The following MORC3 variants were observed in gnomAD, a reference collection of about 807,000 sequenced individuals.
MORC3 encodes the protein MORC family CW-type zinc finger protein 3.
A neutral mutation model predicts 109.1 loss-of-function variants in MORC3; 31 were observed. The ratio of observed to expected loss-of-function variants is 0.28; its 90% CI spans 0.21 to 0.38. The LOEUF (loss-of-function observed/expected upper bound fraction) is 0.38, where lower values mean the gene tolerates loss of function less well. MORC3 is among the 10% of genes least tolerant of loss of function. The pLI, the probability that MORC3 is intolerant of heterozygous loss-of-function variation, is 1.00. For missense variants in MORC3, 867 were observed against 1,135.8 expected (o/e 0.76, Z 3.40); for synonymous variants, 395 against 380.7 (o/e 1.04, Z -0.44).
At chr21:36,327,554 C>T (rs922717333) in intron 1 of MORC3, among the ~76,000 whole-genome samples, 2 of 150,774 alleles carry the variant, frequency 1.3e-5, no homozygotes, top group African/African-American at 5.0e-5. Context: ...AGAAAAAGGC[C>T]GAAAGAAAGC....
At chr21:36,332,671 G>C (rs747453443) in intron 1 of MORC3, among the ~76,000 whole-genome samples, 54 of 151,922 alleles carry the variant, frequency 3.6e-4, no homozygotes, top group Non-Finnish European at 5.6e-4. Flanking sequence ...ATTGCCCTAA[G>C]TTAGAAGAAT....
At chr21:36,367,536 A>G (rs1160719421) in intron 14 of MORC3, among the ~76,000 whole-genome samples, 1 of 152,254 alleles carries the variant, frequency 6.6e-6, no homozygotes, top group East Asian at 1.9e-4. Flanking sequence ...TAGAGAAAGA[A>G]GAAAAGATAC....
intron 1 of MORC3, among the ~76,000 whole-genome samples, chr21:36,329,374 T>TGG (rs1167079068): frequency 1.3e-5 from 2 of 152,028 alleles, no homozygotes; most frequent in Non-Finnish European, 2.9e-5. Context: ...ATGCATCCCA[T>TGG]GGGGGCTGAG....
intron 16 of MORC3, among the ~76,000 whole-genome samples, chr21:36,374,491 A>G (rs1456638125): frequency 6.6e-6 from 1 of 152,148 alleles, no homozygotes; most frequent in Non-Finnish European, 1.5e-5. Flanking sequence ...GATATCTTAT[A>G]GAACATGTTT....
In MORC3 at chr21:36,372,545, A is replaced by G. The variant is rs758546561; in HGVS notation, c.2666+14A>G. 3 of 1,565,230 alleles carry G rather than the reference A, an allele frequency of 1.9e-6. No individual in the cohort carries two copies. The highest frequency in any genetic ancestry group is 1.7e-6 in the Non-Finnish European group (2 of 1,164,026). ...GGATGGAGAAAGGTAATATTAAATG[A>G]GGCGTTTTTGTGGGGCTGCAATTAT... On this transcript the variant is annotated intron_variant, in intron 16 of 16. Transcript: ENST00000400485.
intron 9 of MORC3, among the ~76,000 whole-genome samples, chr21:36,350,467 T>TCAG (rs2085558239): frequency 1.3e-5 from 2 of 149,860 alleles, no homozygotes; most frequent in African/African-American, 4.9e-5. Context: ...TCACTTGAGC[T>TCAG]CAGGAGATTG....
At chr21:36,326,598 C>T (rs2085250322) in intron 1 of MORC3, among the ~76,000 whole-genome samples, 1 of 152,024 alleles carries the variant, frequency 6.6e-6, no homozygotes, top group African/African-American at 2.4e-5. Flanking sequence ...ATGTATACTG[C>T]AGTTTTAGGA....
At chr21:36,339,166 C>T (rs879905031) in intron 5 of MORC3, 12 of 292,304 alleles carry the variant, frequency 4.1e-5, no homozygotes, top group African/African-American at 1.3e-4. Context: ...GTTCCCCAGG[C>T]TGGAATGCGA....
intron 12 of MORC3, 83 bp downstream of exon 12, chr21:36,360,341 C>G: frequency 2.2e-6 from 3 of 1,359,754 alleles, no homozygotes; most frequent in Non-Finnish European, 2.1e-6. Flanking sequence ...TGATGCTTCT[C>G]CAAGGTAAAG....
Position 36,349,397 on chromosome 21 carries a change from T to A in MORC3, c.1092T>A (p.Thr364=). 6.3e-7 allele frequency: 1 copy of A among 1,598,660 alleles called. No individual in the cohort carries two copies. The highest frequency in any genetic ancestry group is 8.5e-7 in the Non-Finnish European group (1 of 1,170,158). ...ATAATAAACAAGATTTCGACTATACTAATGAGTACAGGTATGTTACCTATT... is the reference window on the plus strand; with the variant it reads ...ATAATAAACAAGATTTCGACTATACAAATGAGTACAGGTATGTTACCTATT... ...PTHNKQDFDY[T]NEYRLTITAL... Residue 364 remains threonine, a synonymous_variant, in exon 9 of 17, where the codon ACT becomes ACA. Transcript: ENST00000400485.
chr21:36,347,436 C>T (rs189969102), intron 8 of MORC3, among the ~76,000 whole-genome samples: 1 of 152,264 alleles, frequency 6.6e-6, no homozygotes, highest in East Asian at 1.9e-4. Context: ...TTGTACTGTA[C>T]ATATTTCCTA....
intron 6 of MORC3, 31 bp from the exon 7 acceptor site, chr21:36,344,548 G>T: frequency 6.2e-7 from 1 of 1,605,778 alleles, no homozygotes; most frequent in East Asian, 2.2e-5. Flanking sequence ...CAAACCTGTA[G>T]ATACTAACTT....
rs183992761 is a variant in MORC3, at chr21:36,335,932, T to C, written c.113-942T>C. 2.8e-3 allele frequency among the ~76,000 whole-genome samples: 419 copies of C among 152,270 alleles called. 4 individuals carry two copies. The highest frequency in any genetic ancestry group is 0.015 in the Admixed American group (231 of 15,282). On this transcript the variant is annotated intron_variant, in intron 2 of 16. Coordinates refer to ENST00000400485, the MANE Select transcript of MORC3 (RefSeq NM_015358.3). ...TTAGTCTCTCTCTTTTTTTCTTTTT[T>C]TTCCATTTTTGAGACGGAGTCTCGC...
At chr21:36,338,158 T>G (rs2146300086) in intron 4 of MORC3, among the ~76,000 whole-genome samples, 1 of 152,314 alleles carries the variant, frequency 6.6e-6, no homozygotes, top group Non-Finnish European at 1.5e-5. Context: ...ACTCAACATT[T>G]TATGTTAAAC....
In MORC3 at chr21:36,361,214, T is replaced by C. The variant is rs557186526; in HGVS notation, c.1406+956T>C. ...GGTGGCTTTGATTTGTAGTGTACTA[T>C]TCTTTAGTGAAATCCAGCAATAGTA... On this transcript the variant is annotated intron_variant, in intron 12 of 16. Transcript: ENST00000400485. Among the ~76,000 whole-genome samples the C allele has an allele frequency of 9.9e-5, 15 of 152,152 alleles. 1 individual carries two copies. In the South Asian group the frequency reaches 3.1e-3, roughly 32 times the overall value.
chr21:36,336,240 T>C (rs1197451170), intron 2 of MORC3, among the ~76,000 whole-genome samples: 5 of 142,342 alleles, frequency 3.5e-5, no homozygotes, highest in Non-Finnish European at 7.6e-5. Context: ...TTTTTTGTTT[T>C]TGTTTTTGTT....
At position 36,369,069 on chromosome 21, in the gene MORC3, T is replaced by A. The variant is rs201458100; in HGVS notation, c.1701T>A (p.Val567=). The A allele has an allele frequency of 8.1e-6, 13 of 1,614,092 alleles. No homozygotes were observed. In the African/African-American group the frequency reaches 1.6e-4, roughly 20 times the overall value. ...TGAGTAGTCAGTTTGAAAATTCAGT[T>A]TATAAAGGTGATGATGATGATGAAG... is the stretch of plus-strand genomic sequence containing the variant. ...RRLSSQFENS[V]YKGDDDDEDV... is the part of the protein sequence containing the mutation. The change falls in exon 15 of 17, where the codon GTT becomes GTA. Residue 567 remains valine (V), a synonymous_variant. Transcript: ENST00000400485.
At chr21:36,330,666 C>G (rs922940465) in intron 1 of MORC3, among the ~76,000 whole-genome samples, 4 of 152,060 alleles carry the variant, frequency 2.6e-5, no homozygotes, top group Admixed American at 2.6e-4. Flanking sequence ...TCTTTTTAGT[C>G]GACAGTAGCC....
At chr21:36,340,202 A>T (rs953475291) in intron 5 of MORC3, among the ~76,000 whole-genome samples, 1 of 150,800 alleles carries the variant, frequency 6.6e-6, no homozygotes, top group East Asian at 2.0e-4. Context: ...GGCGTGAACC[A>T]GGGAGGCGGA....
Sources: allele counts gnomAD v4.1 joint callset (sites outside exome capture counted in the v4.1 genomes callset), GRCh38; gene constraint gnomAD v4.1.1; transcripts MANE v1.5; gene names NCBI Gene and HGNC (gene_info 2026-07-23, HGNC 2026-07-21).